Variants in SPTAN1 observed in about 807,000 individuals in gnomAD.
SPTAN1 encodes spectrin alpha chain, non-erythrocytic 1.
Under a neutral mutation model 331.3 loss-of-function variants are expected in SPTAN1, and 61 were observed. The ratio of observed to expected loss-of-function variants is 0.18; its 90% CI spans 0.15 to 0.23. The LOEUF (loss-of-function observed/expected upper bound fraction) is 0.23, where lower values mean the gene tolerates loss of function less well. Ranked by LOEUF, SPTAN1 falls within the 10% of genes least tolerant of loss-of-function variation. The pLI, the probability that SPTAN1 is intolerant of heterozygous loss-of-function variation, is 1.00. For missense variants in SPTAN1, 2,043 were observed against 3,147.9 expected (o/e 0.65, Z 8.40); for synonymous variants, 1,153 against 1,173.9 (o/e 0.98, Z 0.36).
chr9:128,581,702 C>T (rs1851967245), intron 11 of SPTAN1, 80 bp from the exon 12 acceptor site: 3 of 1,156,872 alleles, frequency 2.6e-6, no homozygotes, highest in South Asian at 1.2e-5. Context: ...TATATTTTGG[C>T]CAAAATACCC....
Position 128,583,875 on chromosome 9 carries a change from A to G in SPTAN1, c.2099A>G (p.His700Arg). 1 of 1,614,256 alleles carries G rather than the reference A, an allele frequency of 6.2e-7. No homozygotes were observed. The highest frequency in any genetic ancestry group is 8.5e-7 in the Non-Finnish European group (1 of 1,180,046). ...TTGTGGCTATATGAAGTAGAAGGTC[A>G]CTTGGCTTCGGATGATTACGGCAAA... Reference protein sequence around the residue: ...IELWLYEVEGHLASDDYGKDL... With the variant: ...IELWLYEVEGRLASDDYGKDL... The change falls in exon 16 of 57, where the codon CAC (histidine) becomes CGC (arginine). Residue 700 changes from histidine to arginine, a missense_variant. Physicochemically the swap from His to Arg is conservative, Grantham distance 29 (BLOSUM62 0). Transcript: ENST00000372739.
chr9:128,584,504 A>G lies in SPTAN1; in HGVS notation c.2416A>G (p.Ile806Val). Reference protein sequence around the residue: ...EETWIREKEPIAASTNRGKDL... With the variant: ...EETWIREKEPVAASTNRGKDL... ...GACGTGGATTCGAGAGAAAGAGCCCATTGCCGCATCTACCAACAGAGGTCA... is the reference window on the plus strand; with the variant it reads ...GACGTGGATTCGAGAGAAAGAGCCCGTTGCCGCATCTACCAACAGAGGTCA... The change falls in exon 17 of 57, where the codon ATT becomes GTT. Residue 806 changes from isoleucine (I) to valine (V), a missense_variant. Physicochemically the swap from Ile to Val is conservative, Grantham distance 29 (BLOSUM62 3). Around this residue, in one of 12 missense-constraint regions of SPTAN1, gnomAD observed 1,038 missense variants for 1,531.5 expected, o/e 0.68. Coordinates refer to ENST00000372739, the MANE Select transcript of SPTAN1 (RefSeq NM_001130438.3). 2 of 1,614,178 alleles carry G rather than the reference A, an allele frequency of 1.2e-6. No homozygotes were observed. Among genetic ancestry groups the G allele is most frequent in the Non-Finnish European group, 1.7e-6 (2 of 1,180,034 alleles).
At chr9:128,564,072 A>G (rs1284466474) in intron 1 of SPTAN1, among the ~76,000 whole-genome samples, 1 of 152,118 alleles carries the variant, frequency 6.6e-6, no homozygotes, top group Non-Finnish European at 1.5e-5. Flanking sequence ...CCAGGAGTTC[A>G]AGACCAGCCT....
At position 128,609,204 on chromosome 9, in the gene SPTAN1, G is replaced by A. The variant is rs1856292384; in HGVS notation, c.4678G>A (p.Val1560Met). 6.2e-7 allele frequency: 1 copy of A among 1,614,260 alleles called. No individual in the cohort carries two copies. Among genetic ancestry groups the A allele is most frequent in the Non-Finnish European group, 8.5e-7 (1 of 1,180,048 alleles). The stretch of plus-strand genomic sequence containing the variant: ...AACCCTCCAACAGTTCAGCCGGGAT[G>A]TGGATGAGATTGAGGCTTGGATCAG... ...SQTLQQFSRD[V>M]DEIEAWISEK... Residue 1560 changes from valine to methionine, a missense_variant, in exon 36 of 57, where the codon GTG becomes ATG. By Grantham distance (21) the Val-to-Met change is conservative. Transcript: ENST00000372739.
At chr9:128,604,959 TA>T in intron 29 of SPTAN1, 74 bp from the exon 30 acceptor site, 1 of 1,419,692 alleles carries the variant, frequency 7.0e-7, no homozygotes, top group East Asian at 2.5e-5. Flanking sequence ...AATAAATAAA[TA>T]AATTTTTTTT....
chr9:128,571,664 G>A (rs1008394275), intron 3 of SPTAN1, among the ~76,000 whole-genome samples: 8 of 152,146 alleles, frequency 5.3e-5, no homozygotes, highest in Non-Finnish European at 1.0e-4. Flanking sequence ...AGCTATTTAT[G>A]TACAGTTACT....
At chr9:128,621,291 C>T (rs1274317229) in intron 45 of SPTAN1, 35 bp downstream of exon 45, 3 of 1,575,656 alleles carry the variant, frequency 1.9e-6, no homozygotes, top group Non-Finnish European at 1.7e-6. Flanking sequence ...CTCCATCGCC[C>T]ACTGGGACAC....
intron 1 of SPTAN1, 116 bp from the exon 2 acceptor site, chr9:128,566,622 A>G: frequency 6.7e-7 from 1 of 1,499,220 alleles, no homozygotes; most frequent in African/African-American, 1.4e-5. Context: ...TGTCTTCTCA[A>G]TTCATTTGTC....
At chr9:128,624,237 T>A (rs1288608062) in intron 45 of SPTAN1, 91 bp from the exon 46 acceptor site, 1 of 1,536,034 alleles carries the variant, frequency 6.5e-7, no homozygotes, top group Non-Finnish European at 8.9e-7. Flanking sequence ...GTGGCCCATT[T>A]TATAGAAGTT....
chr9:128,629,893 T>C lies in SPTAN1; in HGVS notation c.6708-428T>C. ...AACCTTGCCGGGACACTCCAGGGTT[T>C]CTGTGGGGAGGCTGTCAGGTTCTCA... On this transcript the variant is annotated intron_variant, in intron 51 of 56. Coordinates refer to ENST00000372739, the MANE Select transcript of SPTAN1 (RefSeq NM_001130438.3). The surrounding 1 kb of genome is among the most constrained non-coding windows in gnomAD (Gnocchi z 4.9). The C allele has an allele frequency of 2.9e-6, 1 of 346,134 alleles. No individual in the cohort carries two copies. The highest frequency in any genetic ancestry group is 5.7e-6 in the Non-Finnish European group (1 of 175,640). 21.4% of individuals were successfully genotyped at this position (346,134 alleles called of 1,614,324 possible).
At position 128,624,265 on chromosome 9, in the gene SPTAN1, G is replaced by A. The variant is rs1589380253; in HGVS notation, c.5833-63G>A. 5.0e-6 allele frequency: 8 copies of A among 1,604,460 alleles called. No individual in the cohort carries two copies. In the East Asian group the frequency reaches 1.3e-4, roughly 27 times the overall value. ...TAGAAGTTTAGAGCCTTTCCAGGGA[G>A]GGCATAGTCAGGTAACCACAGCAGG... On this transcript the variant is annotated intron_variant, in intron 45 of 56. Coordinates refer to ENST00000372739, the MANE Select transcript of SPTAN1 (RefSeq NM_001130438.3).
intron 3 of SPTAN1, 89 bp from the exon 4 acceptor site, chr9:128,574,586 A>G (rs957389542): frequency 6.8e-7 from 1 of 1,462,774 alleles, no homozygotes; most frequent in African/African-American, 1.4e-5. Context: ...GCGCTCCATA[A>G]GGTCTCTAAC....
intron 45 of SPTAN1, among the ~76,000 whole-genome samples, chr9:128,623,586 A>G (rs984988890): frequency 1.4e-5 from 2 of 147,996 alleles, no homozygotes; most frequent in Admixed American, 6.7e-5. Context: ...CTCCTGGGTC[A>G]CTGGGATTAC....
intron 1 of SPTAN1, among the ~76,000 whole-genome samples, chr9:128,554,761 C>T (rs1248230989): frequency 2.6e-5 from 4 of 152,256 alleles, no homozygotes; most frequent in African/African-American, 9.6e-5. Flanking sequence ...AGGAGGACTG[C>T]ATAGCTCATC....
At position 128,594,621 on chromosome 9, in the gene SPTAN1, A is replaced by G. The variant is rs1448603391; in HGVS notation, c.3414+248A>G. Among the ~76,000 whole-genome samples, 3 of 151,422 alleles carry G rather than the reference A, an allele frequency of 2.0e-5. No individual in the cohort carries two copies. In the South Asian group the frequency reaches 6.3e-4, roughly 32 times the overall value. On this transcript the variant is annotated intron_variant, in intron 24 of 56. Coordinates refer to ENST00000372739, the MANE Select transcript of SPTAN1 (RefSeq NM_001130438.3). ...AATTTTTGTATTTTTTGGTAGAGACAGGTTTTCACCATGTTGGCCAGACTG... is the reference window on the plus strand; with the variant it reads ...AATTTTTGTATTTTTTGGTAGAGACGGGTTTTCACCATGTTGGCCAGACTG...
intron 1 of SPTAN1, among the ~76,000 whole-genome samples, chr9:128,561,869 A>G (rs1849413867): frequency 6.6e-6 from 1 of 151,908 alleles, no homozygotes; most frequent in African/African-American, 2.4e-5. Context: ...CTCTGAATAT[A>G]ATTGGATCTA....
Position 128,577,176 on chromosome 9 carries a change from T to C in SPTAN1, c.833T>C (p.Met278Thr). 1.2e-6 allele frequency: 2 copies of C among 1,614,218 alleles called. No homozygotes were observed. The highest frequency in any genetic ancestry group is 1.7e-6 in the Non-Finnish European group (2 of 1,180,042). ...TGGATTAAGGAAAAGGAGCAGTTAATGGCCTCTGATGATTTTGGCCGAGAC... is the reference window on the plus strand; with the variant it reads ...TGGATTAAGGAAAAGGAGCAGTTAACGGCCTCTGATGATTTTGGCCGAGAC... ...ISWIKEKEQL[M>T]ASDDFGRDLA... Residue 278 changes from methionine to threonine, a missense_variant, in exon 7 of 57, where the codon ATG becomes ACG. By Grantham distance (81) the Met-to-Thr change is moderately conservative. Coordinates refer to ENST00000372739, the MANE Select transcript of SPTAN1 (RefSeq NM_001130438.3). The surrounding 1 kb of genome is among the most constrained non-coding windows in gnomAD (Gnocchi z 4.2).
At chr9:128,580,325 A>G (rs1186203561) in intron 10 of SPTAN1, among the ~76,000 whole-genome samples, 1 of 150,852 alleles carries the variant, frequency 6.6e-6, no homozygotes, top group African/African-American at 2.4e-5. Context: ...ATATATATAC[A>G]TATTTTATTT....
intron 21 of SPTAN1, among the ~76,000 whole-genome samples, chr9:128,589,700 C>T (rs1314039428): frequency 6.6e-6 from 1 of 151,674 alleles, no homozygotes; most frequent in African/African-American, 2.4e-5. Context: ...CTCAGCCTCC[C>T]GAGCAGCTGG....
Sources: allele counts gnomAD v4.1 joint callset (sites outside exome capture counted in the v4.1 genomes callset), GRCh38; gene constraint gnomAD v4.1.1; regional missense constraint gnomAD v4.1.1; non-coding constraint Gnocchi (gnomAD v3.1); transcripts MANE v1.5; gene names NCBI Gene and HGNC (gene_info 2026-07-23, HGNC 2026-07-21).